The following DIAPH2 variants were observed in gnomAD, a reference collection of about 807,000 sequenced individuals.
The protein encoded by DIAPH2 is protein diaphanous homolog 2.
DIAPH2 carries 35 observed loss-of-function variants against 92.7 expected under a neutral mutation model. The ratio of observed to expected loss-of-function variants is 0.38; its 90% CI spans 0.29 to 0.50. The LOEUF (loss-of-function observed/expected upper bound fraction) is 0.50. DIAPH2 is among the 20% of genes least tolerant of loss of function. DIAPH2 has a pLI of 0.94. For synonymous variants in DIAPH2, 301 were observed against 280.4 expected, an observed-to-expected ratio of 1.07 and a Z score of -0.73; for missense variants, 701 against 819.5, an observed-to-expected ratio of 0.86 and a Z score of 1.77.
intron 26 of DIAPH2, among the ~76,000 whole-genome samples, chrX:97,542,262 C>CTTCA (rs750726030): frequency 1.0e-3 from 112 of 111,824 alleles, no homozygotes; most frequent in African/African-American, 3.5e-3. Context: ...GTCAGAAAGT[C>CTTCA]TTCAGTAAGT....
In DIAPH2 at chrX:97,601,386, C is replaced by G. The variant is rs2071594762; in HGVS notation, c.*2069C>G. The G allele has an allele frequency of 9.2e-6, 1 of 108,838 alleles. No individual in the cohort carries two copies. Among genetic ancestry groups the G allele is most frequent in the Non-Finnish European group, 1.9e-5 (1 of 51,755 alleles). The allele number at this position is 108,838 out of a possible 1,213,427, so 9.0% of individuals were successfully genotyped here. On this transcript the variant is annotated 3_prime_UTR_variant, in exon 27 of 27. Transcript: ENST00000324765. The stretch of plus-strand genomic sequence containing the variant: ...TTTGTGAACAAGAACGAATGAAGTA[C>G]TATTATTGATAACTTATATATTTTT...
intron 24 of DIAPH2, among the ~76,000 whole-genome samples, chrX:97,381,106 T>G: frequency 8.9e-6 from 1 of 111,842 alleles, no homozygotes; most frequent in East Asian, 2.8e-4. Flanking sequence ...CCTTATTTTC[T>G]TCTATCGCAA....
At chrX:96,943,761 A>G (rs895797671) in intron 13 of DIAPH2, among the ~76,000 whole-genome samples, 6 of 111,391 alleles carry the variant, frequency 5.4e-5, no homozygotes, top group African/African-American at 1.9e-4. Context: ...TGTTTTGTGT[A>G]CTGTGTACCA....
chrX:96,685,008 C>T lies in DIAPH2; in HGVS notation c.-51C>T, dbSNP rs372142979. ...GTGTGAGCGCCCCGAGGTGCTTTCTCAGTTGAGGAGAGGTGGGGTTACAGG... is the reference window on the plus strand; with the variant it reads ...GTGTGAGCGCCCCGAGGTGCTTTCTTAGTTGAGGAGAGGTGGGGTTACAGG... On this transcript the variant is annotated 5_prime_UTR_variant, in exon 1 of 27. Coordinates refer to ENST00000324765, the MANE Select transcript of DIAPH2 (RefSeq NM_006729.5). The T allele has an allele frequency of 4.2e-6, 4 of 953,462 alleles. No homozygotes were observed. In the African/African-American group the frequency reaches 6.2e-5, roughly 15 times the overall value. 78.6% of individuals were successfully genotyped at this position (953,462 alleles called of 1,213,427 possible).
chrX:96,803,828 A>G (rs749555733), intron 4 of DIAPH2, among the ~76,000 whole-genome samples: 1 of 111,329 alleles, frequency 9.0e-6, no homozygotes, highest in East Asian at 2.8e-4. Flanking sequence ...TCACAAGGTC[A>G]GGAGTCCGAG....
intron 13 of DIAPH2, among the ~76,000 whole-genome samples, chrX:96,944,343 C>G (rs1026411694): frequency 1.8e-5 from 2 of 111,841 alleles, no homozygotes; most frequent in Non-Finnish European, 3.8e-5. Flanking sequence ...AACAAACAAA[C>G]AAACAAACCA....
chrX:96,870,522 C>T (rs1234416524), intron 4 of DIAPH2, among the ~76,000 whole-genome samples: 1 of 109,053 alleles, frequency 9.2e-6, no homozygotes, highest in East Asian at 2.9e-4. Context: ...GTGATCCGCC[C>T]GCCTCGGCCT....
chrX:96,930,669 C>A, intron 9 of DIAPH2, 64 bp from the exon 10 acceptor site: 1 of 796,663 alleles, frequency 1.3e-6, no homozygotes, highest in Non-Finnish European at 1.9e-6. Flanking sequence ...AATATATTAT[C>A]TTAATGCATT....
intron 21 of DIAPH2, among the ~76,000 whole-genome samples, chrX:97,127,709 A>C (rs2067102711): frequency 1.8e-5 from 2 of 112,610 alleles, no homozygotes; most frequent in Non-Finnish European, 3.7e-5. Flanking sequence ...ACATACTATA[A>C]AATTTACTCA....
chrX:97,533,701 C>T (rs2147852295), intron 26 of DIAPH2, among the ~76,000 whole-genome samples: 1 of 111,395 alleles, frequency 9.0e-6, no homozygotes, highest in Non-Finnish European at 1.9e-5. Context: ...TGGAAAGACA[C>T]TTTACGACCA....
At chrX:97,298,864 C>T (rs774221441) in intron 23 of DIAPH2, among the ~76,000 whole-genome samples, 4 of 110,782 alleles carry the variant, frequency 3.6e-5, no homozygotes, top group South Asian at 7.6e-4. Flanking sequence ...GTGATCCGCC[C>T]GCCTCCGCCT....
chrX:96,907,921 T>G (rs1404337447), intron 5 of DIAPH2, among the ~76,000 whole-genome samples: 1 of 112,121 alleles, frequency 8.9e-6, no homozygotes, highest in Non-Finnish European at 1.9e-5. Context: ...TTGTGGTATA[T>G]TCATACAGTA....
intron 25 of DIAPH2, among the ~76,000 whole-genome samples, chrX:97,408,642 TC>T (rs936280608): frequency 2.1e-4 from 23 of 112,075 alleles, no homozygotes; most frequent in African/African-American, 7.4e-4. Context: ...AAGCACTCAT[TC>T]CCTCATTTGA....
At chrX:97,076,668 A>T (rs762485609) in intron 19 of DIAPH2, among the ~76,000 whole-genome samples, 5 of 112,221 alleles carry the variant, frequency 4.5e-5, no homozygotes, top group Non-Finnish European at 9.4e-5. Flanking sequence ...TGAGCAAGTG[A>T]TGTCTCTGTG....
chrX:97,522,321 AT>A (rs903579804), intron 26 of DIAPH2, among the ~76,000 whole-genome samples: 1 of 111,587 alleles, frequency 9.0e-6, no homozygotes, highest in African/African-American at 3.3e-5. Context: ...CAGTTTGTTT[AT>A]TTTTTTAAGA....
At chrX:97,218,759 C>A (rs1018150437) in intron 22 of DIAPH2, among the ~76,000 whole-genome samples, 2 of 111,658 alleles carry the variant, frequency 1.8e-5, no homozygotes, top group African/African-American at 6.5e-5. Context: ...TGTATACTTT[C>A]GACATCTGTA....
At chrX:97,066,288 G>A (rs1169587032) in intron 17 of DIAPH2, among the ~76,000 whole-genome samples, 1 of 111,699 alleles carries the variant, frequency 9.0e-6, no homozygotes, top group East Asian at 2.8e-4. Context: ...TAATTTTACT[G>A]TACCATTTCT....
chrX:96,853,756 T>A (rs2065019487), intron 4 of DIAPH2, among the ~76,000 whole-genome samples: 1 of 111,829 alleles, frequency 8.9e-6, no homozygotes, highest in African/African-American at 3.2e-5. Flanking sequence ...ACTATTTCTC[T>A]TATTAGATAT....
At chrX:97,375,487 ACTGT>A (rs2069491759) in intron 24 of DIAPH2, among the ~76,000 whole-genome samples, 1 of 111,796 alleles carries the variant, frequency 8.9e-6, no homozygotes, top group Non-Finnish European at 1.9e-5. Flanking sequence ...AACAAAAAAA[ACTGT>A]CAGTAGTAGC....
Sources: allele counts gnomAD v4.1 joint callset (sites outside exome capture counted in the v4.1 genomes callset), GRCh38; gene constraint gnomAD v4.1.1; transcripts MANE v1.5; gene names NCBI Gene and HGNC (gene_info 2026-07-23, HGNC 2026-07-21).